KIF2A: variants seen among roughly 807,000 people sequenced by gnomAD.
The protein encoded by KIF2A is kinesin-like protein KIF2A.
KIF2A carries 22 observed loss-of-function variants against 100.2 expected under a neutral mutation model. That is an observed-to-expected ratio of 0.22 (90% CI 0.16 to 0.31). KIF2A has a LOEUF of 0.31. Among genes scored for constraint, KIF2A ranks in the 10% least tolerant of loss-of-function variants. The probability of loss-of-function intolerance (pLI) is 1.00; values close to 1 mark genes in which losing one functional copy is unlikely to be tolerated. For missense variants in KIF2A, 495 were observed against 898.7 expected (o/e 0.55, Z 5.74); for synonymous variants, 268 against 285.9 (o/e 0.94, Z 0.63).
chr5:62,356,297 G>C (rs189314294), intron 7 of KIF2A, among the ~76,000 whole-genome samples: 1 of 152,166 alleles, frequency 6.6e-6, no homozygotes. Flanking sequence ...CTGCATTAGA[G>C]CTCACCCTTT....
chr5:62,378,107 A>G (rs1371340338), intron 19 of KIF2A, among the ~76,000 whole-genome samples: 1 of 152,188 alleles, frequency 6.6e-6, no homozygotes, highest in African/African-American at 2.4e-5. Flanking sequence ...AAACTCTTTT[A>G]AAGGGTTTTG....
intron 9 of KIF2A, among the ~76,000 whole-genome samples, chr5:62,360,011 G>A (rs1465755886): frequency 1.3e-5 from 2 of 149,954 alleles, no homozygotes; most frequent in Non-Finnish European, 3.0e-5. Context: ...GTTTTTTTGA[G>A]GCTGAGTTTT....
At chr5:62,331,693 G>A (rs1746657021) in intron 1 of KIF2A, among the ~76,000 whole-genome samples, 1 of 151,856 alleles carries the variant, frequency 6.6e-6, no homozygotes, top group Non-Finnish European at 1.5e-5. Context: ...TGTTCACTTT[G>A]GGGGAAGACT....
Position 62,321,644 on chromosome 5 carries a change from C to T in KIF2A, c.64+15108C>T, listed in dbSNP as rs150208984. ...ATGGTGTGATGTCAGTTCACTGCAACCTCTGCCTCCTGGGCTCAACTGATC... is the reference window on the plus strand; with the variant it reads ...ATGGTGTGATGTCAGTTCACTGCAATCTCTGCCTCCTGGGCTCAACTGATC... On this transcript the variant is annotated intron_variant, in intron 1 of 20. Coordinates refer to ENST00000407818, the MANE Select transcript of KIF2A (RefSeq NM_001098511.3). Among the ~76,000 whole-genome samples the T allele has an allele frequency of 5.6e-3, 850 of 152,272 alleles. 1 individual carries two copies. The highest frequency in any genetic ancestry group is 0.01 in the Middle Eastern group (3 of 294).
intron 1 of KIF2A, among the ~76,000 whole-genome samples, chr5:62,322,712 C>T (rs1746159218): frequency 6.6e-6 from 1 of 152,072 alleles, no homozygotes; most frequent in South Asian, 2.1e-4. Flanking sequence ...TGCCTTTTAT[C>T]TGTGTACCTA....
intron 16 of KIF2A, among the ~76,000 whole-genome samples, chr5:62,369,732 ATTT>A (rs1050510051): frequency 6.6e-6 from 1 of 150,592 alleles, no homozygotes; most frequent in Non-Finnish European, 1.5e-5. Context: ...AATCTGCCTT[ATTT>A]TTTTTAGGCC....
intron 1 of KIF2A, among the ~76,000 whole-genome samples, chr5:62,323,494 G>C (rs1326742385): frequency 6.7e-6 from 1 of 150,314 alleles, no homozygotes; most frequent in Non-Finnish European, 1.5e-5. Context: ...CTGCACTCCA[G>C]CCTGGGCGAC....
chr5:62,315,728 A>G (rs1348540361), intron 1 of KIF2A, among the ~76,000 whole-genome samples: 1 of 152,222 alleles, frequency 6.6e-6, no homozygotes, highest in African/African-American at 2.4e-5. Context: ...TTTCTAGGAC[A>G]CTTGGAAACT....
chr5:62,357,632 CGTTTTA>C, intron 7 of KIF2A, 53 bp from the exon 8 acceptor site: 1 of 816,606 alleles, frequency 1.2e-6, no homozygotes, highest in South Asian at 1.8e-5. Context: ...ACATAATTTA[CGTTTTA>C]GTGTTTTACA....
intron 1 of KIF2A, among the ~76,000 whole-genome samples, chr5:62,324,848 A>C (rs1282543776): frequency 2.7e-5 from 1 of 36,866 alleles, no homozygotes; most frequent in Non-Finnish European, 8.6e-5. Context: ...CAAAAAGAAA[A>C]AAAATGACAA....
At chr5:62,341,788 A>T (rs1394319341) in intron 1 of KIF2A, among the ~76,000 whole-genome samples, 1 of 152,162 alleles carries the variant, frequency 6.6e-6, no homozygotes, top group Non-Finnish European at 1.5e-5. Flanking sequence ...ACCATGGTAG[A>T]TGCCCAACAA....
intron 1 of KIF2A, among the ~76,000 whole-genome samples, chr5:62,310,092 CAG>C (rs1437527506): frequency 5.5e-5 from 7 of 127,152 alleles, no homozygotes; most frequent in Admixed American, 3.3e-4. Context: ...TTTTTTGAGA[CAG>C]AGTCTCGCTC....
chr5:62,375,603 C>T (rs1741502416), intron 18 of KIF2A, among the ~76,000 whole-genome samples: 2 of 152,170 alleles, frequency 1.3e-5, no homozygotes, highest in Non-Finnish European at 2.9e-5. Flanking sequence ...TTAGTTAGTT[C>T]TAATACTTTG....
chr5:62,353,468 AT>A (rs1000894060), intron 6 of KIF2A, 93 bp downstream of exon 6: 82 of 528,498 alleles, frequency 1.6e-4, no homozygotes, highest in South Asian at 3.3e-4. Context: ...TAATTAAGGC[AT>A]TTTTTTTGAA....
rs540835138 is a variant in KIF2A at position 62,355,929 on chromosome 5, C to T, written c.654+675C>T. The stretch of plus-strand genomic sequence containing the variant: ...CCCAAGTAGCTGGGACTACAGGCGC[C>T]TGCCACCACGCCCGGCTAATTTTTG... On this transcript the variant is annotated intron_variant, in intron 7 of 20. Transcript: ENST00000407818. Among the ~76,000 whole-genome samples the T allele has an allele frequency of 1.7e-4, 25 of 150,210 alleles. No homozygotes were observed. The South Asian group carries it at 5.3e-3, about 32-fold the overall frequency.
intron 1 of KIF2A, among the ~76,000 whole-genome samples, chr5:62,341,195 T>G (rs769802618): frequency 6.6e-6 from 1 of 152,208 alleles, no homozygotes; most frequent in Non-Finnish European, 1.5e-5. Flanking sequence ...ATCAGATGCT[T>G]TTGACTCTGC....
chr5:62,368,776 TA>T lies in KIF2A; in HGVS notation c.1646+2308del, dbSNP rs879769914. Among the ~76,000 whole-genome samples the T allele has an allele frequency of 6.2e-3, 886 of 143,292 alleles. 2 individuals carry two copies. Among genetic ancestry groups the T allele is most frequent in the African/African-American group, 0.01 (406 of 39,430 alleles). The allele number at this position is 143,292 out of a possible 152,430, so 94.0% of individuals were successfully genotyped here. On this transcript the variant is annotated intron_variant, in intron 16 of 20. Transcript: ENST00000407818. ...TGGGCAACAGAGCAAGACCTTGTCTTAAAAAAAAAAAAAGTAATAGAACTAC... is the reference window on the plus strand; with the variant it reads ...TGGGCAACAGAGCAAGACCTTGTCTTAAAAAAAAAAAAGTAATAGAACTAC...
chr5:62,321,096 T>C (rs562785126), intron 1 of KIF2A, among the ~76,000 whole-genome samples: 22 of 152,352 alleles, frequency 1.4e-4, no homozygotes, highest in African/African-American at 5.3e-4. Context: ...TTTATCAGTA[T>C]AGTAACATAT....
At chr5:62,360,955 T>C (rs954554663) in intron 9 of KIF2A, among the ~76,000 whole-genome samples, 1 of 152,224 alleles carries the variant, frequency 6.6e-6, no homozygotes, top group South Asian at 2.1e-4. Flanking sequence ...GTTGAAATTA[T>C]AATACTTTGT....
Sources: gnomAD v4.1 joint callset for allele counts (sites outside exome capture counted in the v4.1 genomes callset) on GRCh38, gnomAD v4.1.1 for gene constraint, MANE v1.5 for transcripts, NCBI Gene and HGNC (gene_info 2026-07-23, HGNC 2026-07-21) for gene names.